The following PLCB4 variants were observed in gnomAD, a reference collection of about 807,000 sequenced individuals.
PLCB4 encodes the protein phospholipase C beta 4.
In PLCB4, 77 loss-of-function variants were observed where a neutral mutation model predicts 178.8. The observed-to-expected ratio is 0.43, with a 90% CI of 0.36 to 0.52. The LOEUF (loss-of-function observed/expected upper bound fraction) is 0.52. Ranked by LOEUF, PLCB4 falls within the 20% of genes least tolerant of loss-of-function variation. The probability of loss-of-function intolerance (pLI) is 0.00; values close to 1 mark genes in which losing one functional copy is unlikely to be tolerated. For missense variants in PLCB4, 1,024 were observed against 1,453.4 expected (o/e 0.70, Z 4.80); for synonymous variants, 496 against 490.8 (o/e 1.01, Z -0.14).
At chr20:9,243,407 G>A (rs1159720164) in intron 3 of PLCB4, among the ~76,000 whole-genome samples, 1 of 152,218 alleles carries the variant, frequency 6.6e-6, no homozygotes, top group Non-Finnish European at 1.5e-5. Flanking sequence ...AATGACTTCA[G>A]TGGGGGTTCT....
chr20:9,188,262 C>A (rs540044101), intron 2 of PLCB4, among the ~76,000 whole-genome samples: 1 of 152,058 alleles, frequency 6.6e-6, no homozygotes, highest in Non-Finnish European at 1.5e-5. Context: ...TTGGCAGGGG[C>A]CTGAAGGTGG....
chr20:9,303,193 T>A (rs2094725659), intron 3 of PLCB4, among the ~76,000 whole-genome samples: 1 of 152,196 alleles, frequency 6.6e-6, no homozygotes, highest in Admixed American at 6.5e-5. Flanking sequence ...CAGAAGCTTG[T>A]TTCTAAGCTT....
At chr20:9,150,670 T>C in intron 2 of PLCB4, among the ~76,000 whole-genome samples, 1 of 151,996 alleles carries the variant, frequency 6.6e-6, no homozygotes, top group Admixed American at 6.6e-5. Flanking sequence ...CTGAGGTCAG[T>C]GAAGTTAAGT....
intron 3 of PLCB4, among the ~76,000 whole-genome samples, chr20:9,287,395 C>G (rs1421446037): frequency 6.6e-6 from 1 of 152,008 alleles, no homozygotes; most frequent in Admixed American, 6.6e-5. Flanking sequence ...GCTACAAAGA[C>G]CTTAACCATG....
At chr20:9,386,068 C>T (rs1000132836) in intron 14 of PLCB4, among the ~76,000 whole-genome samples, 1 of 152,206 alleles carries the variant, frequency 6.6e-6, no homozygotes, top group African/African-American at 2.4e-5. Context: ...GCCCCGTCAA[C>T]AGGGCGATAC....
At chr20:9,420,953 A>ATAAG (rs1484223877) in intron 26 of PLCB4, among the ~76,000 whole-genome samples, 2 of 152,226 alleles carry the variant, frequency 1.3e-5, no homozygotes, top group Non-Finnish European at 2.9e-5. Context: ...GAAGGGTCTT[A>ATAAG]GGACATACCT....
intron 3 of PLCB4, among the ~76,000 whole-genome samples, chr20:9,240,607 A>AAGCC (rs1212183772): frequency 6.6e-6 from 1 of 152,082 alleles, no homozygotes; most frequent in African/African-American, 2.4e-5. Context: ...CGCCAGCTCC[A>AAGCC]AGCCATGCCC....
Position 9,393,638 on chromosome 20 carries a change from A to G in PLCB4, c.1374A>G (p.Ile458Met). The G allele has an allele frequency of 1.2e-6, 2 of 1,613,520 alleles. No individual in the cohort carries two copies. The highest frequency in any genetic ancestry group is 1.1e-5 in the South Asian group (1 of 91,058). Residue 458 changes from isoleucine (I) to methionine (M), a missense_variant, in exon 18 of 40, where the codon ATA becomes ATG. Transcript: ENST00000378473. ...LPSPNDLKRK[I>M]LIKNKRLKPE... Reference sequence around the variant, plus strand: ...CCCCCAATGACCTCAAAAGAAAAATACTCATAAAAAACAAGCGGCTGAAAC... The same window carrying G: ...CCCCCAATGACCTCAAAAGAAAAATGCTCATAAAAAACAAGCGGCTGAAAC...
chr20:9,414,316 AAG>A (rs1447304001), intron 25 of PLCB4, among the ~76,000 whole-genome samples: 1 of 152,180 alleles, frequency 6.6e-6, no homozygotes, highest in African/African-American at 2.4e-5. Flanking sequence ...TGACAGGGAA[AAG>A]AGAAGAAATT....
intron 3 of PLCB4, among the ~76,000 whole-genome samples, chr20:9,231,990 T>C (rs961133496): frequency 4.6e-5 from 7 of 152,276 alleles, no homozygotes; most frequent in Non-Finnish European, 7.4e-5. Context: ...AGGTCATTGA[T>C]ACAAACAACA....
chr20:9,212,611 G>C (rs910631506), intron 2 of PLCB4, among the ~76,000 whole-genome samples: 1 of 152,144 alleles, frequency 6.6e-6, no homozygotes, highest in African/African-American at 2.4e-5. Context: ...TAAAATATTG[G>C]TGTTTTCTTA....
chr20:9,164,513 T>A (rs2092938843), intron 2 of PLCB4, among the ~76,000 whole-genome samples: 1 of 152,210 alleles, frequency 6.6e-6, no homozygotes, highest in African/African-American at 2.4e-5. Context: ...ATTTTAGTTA[T>A]GATTCTGTTG....
At chr20:9,385,424 A>C (rs1338506102) in intron 14 of PLCB4, among the ~76,000 whole-genome samples, 1 of 151,284 alleles carries the variant, frequency 6.6e-6, no homozygotes, top group Non-Finnish European at 1.5e-5. Flanking sequence ...CCCACCTCCC[A>C]GACGGGGCGG....
chr20:9,146,596 T>C (rs2092602945), intron 2 of PLCB4, among the ~76,000 whole-genome samples: 1 of 152,184 alleles, frequency 6.6e-6, no homozygotes, highest in Non-Finnish European at 1.5e-5. Flanking sequence ...AACATTTTTA[T>C]AAGGTGTTCT....
intron 1 of PLCB4, among the ~76,000 whole-genome samples, chr20:9,088,147 C>G (rs936422513): frequency 2.7e-5 from 4 of 150,004 alleles, no homozygotes; most frequent in Non-Finnish European, 5.9e-5. Flanking sequence ...TTGCAGATAG[C>G]CTCAATTTAT....
At chr20:9,474,377 A>G (rs550073546) in intron 38 of PLCB4, among the ~76,000 whole-genome samples, 4 of 152,324 alleles carry the variant, frequency 2.6e-5, no homozygotes, top group African/African-American at 9.6e-5. Context: ...CCTTTAATTA[A>G]TGGAAATCCC....
intron 3 of PLCB4, among the ~76,000 whole-genome samples, chr20:9,241,270 T>G (rs994497820): frequency 2.0e-5 from 3 of 152,146 alleles, no homozygotes; most frequent in Non-Finnish European, 4.4e-5. Context: ...ATCTTGCCCA[T>G]TTACACACCT....
chr20:9,427,949 C>T (rs919960916), intron 28 of PLCB4, among the ~76,000 whole-genome samples: 1 of 152,150 alleles, frequency 6.6e-6, no homozygotes, highest in African/African-American at 2.4e-5. Context: ...TTTGCCTCCT[C>T]TTCTACAACT....
intron 2 of PLCB4, among the ~76,000 whole-genome samples, chr20:9,118,157 G>C (rs1600527042): frequency 1.3e-5 from 2 of 151,448 alleles, no homozygotes; most frequent in Admixed American, 1.3e-4. Flanking sequence ...TGCCGTGCTG[G>C]TGCGCTGCAC....
Sources: gnomAD v4.1 joint callset for allele counts (sites outside exome capture counted in the v4.1 genomes callset) on GRCh38, gnomAD v4.1.1 for gene constraint, MANE v1.5 for transcripts, NCBI Gene and HGNC (gene_info 2026-07-23, HGNC 2026-07-21) for gene names.